Variants in DLGAP1 observed in about 807,000 individuals in gnomAD.
DLGAP1 encodes the protein DLG associated protein 1.
DLGAP1 carries 11 observed loss-of-function variants against 90.8 expected under a neutral mutation model. The ratio of observed to expected loss-of-function variants is 0.12; its 90% CI spans 0.08 to 0.20. The LOEUF is 0.20. Ranked by LOEUF, DLGAP1 falls within the 10% of genes least tolerant of loss-of-function variation. The probability of loss-of-function intolerance (pLI) is 1.00; values close to 1 mark genes in which losing one functional copy is unlikely to be tolerated. For missense variants in DLGAP1, 1,050 were observed against 1,333.8 expected (o/e 0.79, Z 3.31); for synonymous variants, 558 against 540.7 (o/e 1.03, Z -0.44).
chr18:4,153,557 A>G, intron 1 of DLGAP1, among the ~76,000 whole-genome samples: 1 of 152,154 alleles, frequency 6.6e-6, no homozygotes, highest in Non-Finnish European at 1.5e-5. Context: ...CCACATAATC[A>G]AGATTTAGCA....
chr18:3,696,881 A>G (rs551760664), intron 7 of DLGAP1, among the ~76,000 whole-genome samples: 1 of 152,268 alleles, frequency 6.6e-6, no homozygotes, highest in South Asian at 2.1e-4. Context: ...AGAACTTGTT[A>G]TTGGTCTATT....
intron 1 of DLGAP1, among the ~76,000 whole-genome samples, chr18:4,402,840 A>G (rs1296840939): frequency 6.6e-6 from 1 of 152,174 alleles, no homozygotes; most frequent in Non-Finnish European, 1.5e-5. Context: ...CTGTCTCCCA[A>G]AGCAATTATT....
chr18:3,900,821 G>C (rs947710494), intron 3 of DLGAP1, among the ~76,000 whole-genome samples: 4 of 151,968 alleles, frequency 2.6e-5, no homozygotes, highest in Non-Finnish European at 5.9e-5. Context: ...ATTTGGTTTC[G>C]GGTACTGATA....
chr18:3,582,178 G>T lies in DLGAP1; in HGVS notation c.1662C>A (p.Phe554Leu). The change falls in exon 8 of 13, where the codon TTC (phenylalanine) becomes TTA (leucine). Residue 554 changes from phenylalanine (F) to leucine (L), a missense_variant. By Grantham distance (22) the Phe-to-Leu change is conservative. Around this residue, in one of 2 missense-constraint regions of DLGAP1, gnomAD observed 565 missense variants for 879.7 expected, o/e 0.64. Transcript: ENST00000315677. ...TGCTACTCTGGGCTGTGATAGAAAT[G>T]AAAGGTTTCGTGGTAGTTCTGGGTG... ...PVPPRTTTKP[F>L]ISITAQSSTE... 6.2e-7 allele frequency: 1 copy of T among 1,614,130 alleles called. No individual in the cohort carries two copies. Among genetic ancestry groups the T allele is most frequent in the Non-Finnish European group, 8.5e-7 (1 of 1,180,032 alleles).
intron 1 of DLGAP1, among the ~76,000 whole-genome samples, chr18:4,400,980 A>G (rs1216494535): frequency 1.3e-5 from 2 of 152,216 alleles, no homozygotes. Context: ...ACTCAAACAC[A>G]AGTCAACTCT....
intron 1 of DLGAP1, among the ~76,000 whole-genome samples, chr18:4,241,617 T>C (rs1379066344): frequency 6.6e-6 from 1 of 152,186 alleles, no homozygotes; most frequent in Non-Finnish European, 1.5e-5. Context: ...AAGGAAATAA[T>C]ATACCATCAT....
At position 4,170,665 on chromosome 18, in the gene DLGAP1, A is replaced by G. The variant is rs150114392; in HGVS notation, c.-266-19378T>C. Among the ~76,000 whole-genome samples, 13 of 152,322 alleles carry G rather than the reference A, an allele frequency of 8.5e-5. No homozygotes were observed. The East Asian group carries it at 2.5e-3, about 29-fold the overall frequency. On this transcript the variant is annotated intron_variant, in intron 1 of 12. Coordinates refer to ENST00000315677, the MANE Select transcript of DLGAP1 (RefSeq NM_004746.4). ...TACCACGGTGTGGGAGAAGCAGCAAATCTGAGTGGGGAAAAAGGAGTGAAG... is the reference window on the plus strand; with the variant it reads ...TACCACGGTGTGGGAGAAGCAGCAAGTCTGAGTGGGGAAAAAGGAGTGAAG...
At chr18:3,719,556 CAA>C (rs60129859) in intron 7 of DLGAP1, among the ~76,000 whole-genome samples, 3 of 58,402 alleles carry the variant, frequency 5.1e-5, no homozygotes, top group Non-Finnish European at 1.1e-4. Context: ...GACTCTGTCT[CAA>C]AAAAAAAAAA....
intron 5 of DLGAP1, among the ~76,000 whole-genome samples, chr18:3,778,254 A>G (rs6506130): frequency 0.82 from 124,455 of 151,980 alleles, 51,229 homozygotes; most frequent in East Asian, 0.99. Flanking sequence ...CAGCCTGGCC[A>G]ACATGGTGAA....
chr18:3,510,896 T>G (rs1370871852), intron 10 of DLGAP1, among the ~76,000 whole-genome samples: 3 of 152,248 alleles, frequency 2.0e-5, no homozygotes, highest in African/African-American at 7.2e-5. Context: ...TAGGGCAACA[T>G]GCAACCACAC....
At chr18:4,010,801 A>G (rs1599321315) in intron 2 of DLGAP1, among the ~76,000 whole-genome samples, 2 of 152,120 alleles carry the variant, frequency 1.3e-5, no homozygotes, top group East Asian at 3.9e-4. Context: ...TTAATGAATT[A>G]TCTTATTCAT....
intron 4 of DLGAP1, among the ~76,000 whole-genome samples, chr18:3,818,744 C>G (rs1309921847): frequency 6.6e-6 from 1 of 150,480 alleles, no homozygotes; most frequent in Non-Finnish European, 1.5e-5. Context: ...TACAGATGCC[C>G]GCCACCATGC....
intron 1 of DLGAP1, among the ~76,000 whole-genome samples, chr18:4,317,472 T>C (rs953732346): frequency 6.6e-6 from 1 of 152,348 alleles, no homozygotes; most frequent in African/African-American, 2.4e-5. Context: ...TAGTTTCTTG[T>C]ACACTGTCAC....
At chr18:4,449,163 T>A (rs1314044626) in intron 1 of DLGAP1, among the ~76,000 whole-genome samples, 2 of 152,224 alleles carry the variant, frequency 1.3e-5, no homozygotes, top group African/African-American at 2.4e-5. Flanking sequence ...GAAAGAAGTT[T>A]ATGCTAAGCC....
At chr18:4,259,129 T>C (rs1487480370) in intron 1 of DLGAP1, among the ~76,000 whole-genome samples, 1 of 152,172 alleles carries the variant, frequency 6.6e-6, no homozygotes, top group African/African-American at 2.4e-5. Context: ...GAAGCACTCC[T>C]AGCAATCATT....
chr18:3,843,228 T>C (rs970996002), intron 4 of DLGAP1, among the ~76,000 whole-genome samples: 18 of 152,236 alleles, frequency 1.2e-4, no homozygotes, highest in African/African-American at 4.3e-4. Context: ...GCCTTGCATT[T>C]GGCATTGCTA....
intron 5 of DLGAP1, among the ~76,000 whole-genome samples, chr18:3,798,655 T>G (rs143293497): frequency 2.0e-5 from 3 of 152,268 alleles, no homozygotes; most frequent in African/African-American, 7.2e-5. Context: ...CTAAGGTTGT[T>G]TATTTATTTA....
intron 1 of DLGAP1, among the ~76,000 whole-genome samples, chr18:4,349,144 A>G (rs2081358200): frequency 1.3e-5 from 2 of 152,188 alleles, no homozygotes. Context: ...CATCACCAGG[A>G]ATGAGACGTG....
intron 5 of DLGAP1, among the ~76,000 whole-genome samples, chr18:3,799,929 CA>C (rs1427661343): frequency 1.3e-5 from 2 of 152,042 alleles, no homozygotes; most frequent in Non-Finnish European, 2.9e-5. Flanking sequence ...TCAAAATATT[CA>C]AAAAGGAAGA....
Sources: gnomAD v4.1 joint callset for allele counts (sites outside exome capture counted in the v4.1 genomes callset) on GRCh38, gnomAD v4.1.1 for gene constraint, gnomAD v4.1.1 regional missense constraint, MANE v1.5 for transcripts, NCBI Gene and HGNC (gene_info 2026-07-23, HGNC 2026-07-21) for gene names.